Variants in DCC observed in about 807,000 individuals in gnomAD.
DCC encodes the protein netrin receptor DCC.
DCC carries 58 observed loss-of-function variants against 172.5 expected under a neutral mutation model. The ratio of observed to expected loss-of-function variants is 0.34; its 90% confidence interval spans 0.27 to 0.42. The LOEUF (loss-of-function observed/expected upper bound fraction) is 0.42. DCC is among the 10% of genes least tolerant of loss of function. DCC has a pLI of 1.00. For synonymous variants in DCC, 709 were observed against 644.5 expected, an observed-to-expected ratio of 1.10 and a Z score of -1.52; for missense variants, 1,740 against 1,791.0, an observed-to-expected ratio of 0.97 and a Z score of 0.51.
intron 12 of DCC, among the ~76,000 whole-genome samples, chr18:53,264,155 A>T (rs2056639139): frequency 6.6e-6 from 1 of 152,136 alleles, no homozygotes. Context: ...TCCTGTCAAC[A>T]TGAAATTATT....
chr18:52,959,603 A>C (rs1390663056), intron 5 of DCC, among the ~76,000 whole-genome samples: 1 of 151,964 alleles, frequency 6.6e-6, no homozygotes, highest in Non-Finnish European at 1.5e-5. Flanking sequence ...TCCCAAACTT[A>C]AGTTTATTTA....
chr18:53,272,717 C>A (rs2056762659), intron 12 of DCC, among the ~76,000 whole-genome samples: 1 of 152,090 alleles, frequency 6.6e-6, no homozygotes, highest in Admixed American at 6.6e-5. Context: ...TTTTCAAAAT[C>A]TCATTGTAAG....
chr18:52,546,814 G>A (rs967721909), intron 1 of DCC, among the ~76,000 whole-genome samples: 1 of 152,000 alleles, frequency 6.6e-6, no homozygotes, highest in East Asian at 1.9e-4. Flanking sequence ...CAATTCTCAT[G>A]CTCTGTAAAC....
At chr18:52,878,899 T>C (rs1159993849) in intron 2 of DCC, among the ~76,000 whole-genome samples, 1 of 152,190 alleles carries the variant, frequency 6.6e-6, no homozygotes, top group Non-Finnish European at 1.5e-5. Context: ...GGACAAAACT[T>C]CCATGGGTGT....
At chr18:53,514,513 G>T (rs1323365025) in intron 27 of DCC, among the ~76,000 whole-genome samples, 1 of 152,104 alleles carries the variant, frequency 6.6e-6, no homozygotes, top group African/African-American at 2.4e-5. Context: ...TACAGGAGCT[G>T]GTTTTTTGAA....
intron 21 of DCC, among the ~76,000 whole-genome samples, chr18:53,421,612 C>T (rs1910647207): frequency 6.6e-6 from 1 of 152,174 alleles, no homozygotes; most frequent in South Asian, 2.1e-4. Context: ...GGAAGTCACT[C>T]AGTGTGTGCT....
intron 7 of DCC, among the ~76,000 whole-genome samples, chr18:53,080,834 T>C (rs1406446458): frequency 6.6e-6 from 1 of 152,078 alleles, no homozygotes; most frequent in East Asian, 1.9e-4. Context: ...CTGATGGTAA[T>C]GAAAAGCTTA....
At position 52,904,443 on chromosome 18, in the gene DCC, G is replaced by A. The variant is rs375757020; in HGVS notation, c.413-1601G>A. Among the ~76,000 whole-genome samples, 7 of 152,258 alleles carry A rather than the reference G, an allele frequency of 4.6e-5. No homozygotes were observed. The South Asian group carries it at 8.3e-4, about 18-fold the overall frequency. On this transcript the variant is annotated intron_variant, in intron 2 of 28. Coordinates refer to ENST00000442544, the MANE Select transcript of DCC (RefSeq NM_005215.4). ...TAGGGAGGGAAAGTGAAATAGCATCGCTTATTGTCTCTCATATTAAATTAT... is the reference window on the plus strand; with the variant it reads ...TAGGGAGGGAAAGTGAAATAGCATCACTTATTGTCTCTCATATTAAATTAT...
chr18:52,852,523 T>C (rs1282583671), intron 2 of DCC, among the ~76,000 whole-genome samples: 4 of 152,170 alleles, frequency 2.6e-5, no homozygotes, highest in Admixed American at 2.0e-4. Flanking sequence ...TGAAAATAGG[T>C]AAATCAATAC....
At chr18:53,037,204 C>T (rs1355600518) in intron 5 of DCC, among the ~76,000 whole-genome samples, 1 of 151,914 alleles carries the variant, frequency 6.6e-6, no homozygotes, top group South Asian at 2.1e-4. Flanking sequence ...TCCTGGATTT[C>T]GTTTCTTTGT....
intron 2 of DCC, among the ~76,000 whole-genome samples, chr18:52,764,337 C>T (rs1356555683): frequency 6.6e-6 from 1 of 152,226 alleles, no homozygotes; most frequent in African/African-American, 2.4e-5. Flanking sequence ...AGGAATGCAT[C>T]TCATCCATGT....
intron 1 of DCC, among the ~76,000 whole-genome samples, chr18:52,615,288 T>C (rs2034358980): frequency 6.6e-6 from 1 of 152,218 alleles, no homozygotes; most frequent in African/African-American, 2.4e-5. Context: ...CTTTCTGTCC[T>C]GCCCTCAGAT....
intron 1 of DCC, among the ~76,000 whole-genome samples, chr18:52,358,638 C>T (rs1265887102): frequency 1.3e-5 from 2 of 152,180 alleles, no homozygotes; most frequent in African/African-American, 4.8e-5. Context: ...CAAAATTACT[C>T]CTCATTGTTA....
intron 15 of DCC, 39 bp from the exon 16 acceptor site, chr18:53,386,004 T>A (rs113330525): frequency 7.7e-7 from 1 of 1,295,338 alleles, no homozygotes. Context: ...ATACATTAAA[T>A]ATATCAACAC....
At chr18:52,738,990 C>T (rs1304550324) in intron 1 of DCC, among the ~76,000 whole-genome samples, 2 of 151,660 alleles carry the variant, frequency 1.3e-5, no homozygotes, top group Non-Finnish European at 2.9e-5. Flanking sequence ...TCAAATGATC[C>T]TCTCACCTCG....
At chr18:52,678,864 C>T (rs2035691787) in intron 1 of DCC, among the ~76,000 whole-genome samples, 1 of 152,064 alleles carries the variant, frequency 6.6e-6, no homozygotes, top group African/African-American at 2.4e-5. Context: ...TCCTTTTTGC[C>T]CATTCTTTCA....
chr18:53,048,727 A>G (rs9962803), intron 5 of DCC, among the ~76,000 whole-genome samples: 46,621 of 150,986 alleles, frequency 0.31, 8,282 homozygotes, highest in African/African-American at 0.49. Flanking sequence ...GGGATTGCTA[A>G]GTCAAACGGC....
chr18:52,720,804 G>T (rs945270115), intron 1 of DCC, among the ~76,000 whole-genome samples: 2 of 152,170 alleles, frequency 1.3e-5, no homozygotes, highest in Non-Finnish European at 2.9e-5. Flanking sequence ...TCTGTTTGAT[G>T]TACTAGGTGC....
At chr18:52,860,544 T>C (rs570534087) in intron 2 of DCC, among the ~76,000 whole-genome samples, 1 of 152,246 alleles carries the variant, frequency 6.6e-6, no homozygotes, top group Non-Finnish European at 1.5e-5. Context: ...CAGTTTTCTT[T>C]TGAAACATAA....
Sources: allele counts gnomAD v4.1 joint callset (sites outside exome capture counted in the v4.1 genomes callset), GRCh38; gene constraint gnomAD v4.1.1; transcripts MANE v1.5; gene names NCBI Gene and HGNC (gene_info 2026-07-23, HGNC 2026-07-21).